TRIM33: variants seen among roughly 807,000 people sequenced by gnomAD.
TRIM33 encodes the protein E3 ubiquitin-protein ligase TRIM33.
TRIM33 carries 20 observed loss-of-function variants against 125.4 expected under a neutral mutation model. That is an observed-to-expected ratio of 0.16 (90% CI 0.11 to 0.23). TRIM33 has a LOEUF of 0.23. TRIM33 is among the 10% of genes least tolerant of loss of function. The pLI, the probability that TRIM33 is intolerant of heterozygous loss-of-function variation, is 1.00. For missense variants in TRIM33, 920 were observed against 1,411.4 expected, an observed-to-expected ratio of 0.65 and a Z score of 5.58; for synonymous variants, 564 against 513.9, an observed-to-expected ratio of 1.10 and a Z score of -1.32.
chr1:114,443,099 G>A (rs2101253292), intron 4 of TRIM33, among the ~76,000 whole-genome samples: 2 of 150,118 alleles, frequency 1.3e-5, no homozygotes, highest in South Asian at 4.2e-4. Context: ...TAATGGAGAT[G>A]GGGGCCAGGT....
intron 4 of TRIM33, among the ~76,000 whole-genome samples, chr1:114,454,316 C>A (rs1193982103): frequency 6.6e-6 from 1 of 151,858 alleles, no homozygotes; most frequent in Non-Finnish European, 1.5e-5. Flanking sequence ...TAAAAATTAC[C>A]AATGGAATTT....
At chr1:114,481,156 G>T (rs187419430) in intron 1 of TRIM33, among the ~76,000 whole-genome samples, 14 of 152,138 alleles carry the variant, frequency 9.2e-5, no homozygotes, top group Admixed American at 7.9e-4. Context: ...CTGGGCAACA[G>T]AGTAAGACTC....
intron 1 of TRIM33, among the ~76,000 whole-genome samples, chr1:114,466,453 G>A (rs1246762371): frequency 6.6e-6 from 1 of 152,174 alleles, no homozygotes; most frequent in Non-Finnish European, 1.5e-5. Context: ...ACACGTTCCT[G>A]GGAGATGACC....
Position 114,399,641 on chromosome 1 carries a change from T to G in TRIM33, c.2968-32A>C, listed in dbSNP as rs758569243. The G allele has an allele frequency of 2.0e-6, 3 of 1,526,720 alleles. No homozygotes were observed. The Admixed American group carries it at 6.1e-5, about 31-fold the overall frequency. The allele number at this position is 1,526,720 out of a possible 1,614,324, so 94.6% of individuals were successfully genotyped here. A position where few individuals can be genotyped will look rare whatever the true frequency, so the allele number is the denominator to read the frequency against. Reference sequence around the variant, plus strand: ...TAAGCACATAATGGCAAATAAGAATTCTCCAAAAATGCCAAACTGTTTAAT... The same window carrying G: ...TAAGCACATAATGGCAAATAAGAATGCTCCAAAAATGCCAAACTGTTTAAT... On this transcript the variant is annotated intron_variant, in intron 17 of 19. Transcript: ENST00000358465.
Position 114,511,030 on chromosome 1 carries a change from C to A in TRIM33, c.47G>T (p.Gly16Val). ...GGCAGTTACCGGCGCGCTGCCGCTGCCCCCGCCGCCGCTCTCAGCCTCGCC... is the reference window on the plus strand; with the variant it reads ...GGCAGTTACCGGCGCGCTGCCGCTGACCCCGCCGCCGCTCTCAGCCTCGCC... ...GGGEAESGGGGSGSAPVTAGA... is the reference protein window; with the variant it reads ...GGGEAESGGGVSGSAPVTAGA... Residue 16 changes from glycine to valine, a missense_variant, in exon 1 of 20, where the codon GGC becomes GTC. Gly to Val is a moderately radical substitution (Grantham distance 109, BLOSUM62 -3). This residue lies in a region of TRIM33 where 233 missense variants were observed against 189.6 expected (regional missense o/e 1.23). Transcript: ENST00000358465. 1.5e-6 allele frequency: 2 copies of A among 1,318,294 alleles called. No individual in the cohort carries two copies. Among genetic ancestry groups the A allele is most frequent in the South Asian group, 1.8e-5 (1 of 54,522 alleles). The allele number at this position is 1,318,294 out of a possible 1,614,324, so 81.7% of individuals were successfully genotyped here. A position where few individuals can be genotyped will look rare whatever the true frequency, so the allele number is the denominator to read the frequency against.
intron 13 of TRIM33, 37 bp from the exon 14 acceptor site, chr1:114,407,137 G>C (rs544517009): frequency 1.3e-6 from 2 of 1,556,186 alleles, no homozygotes; most frequent in African/African-American, 2.7e-5. Flanking sequence ...ACATACGTTT[G>C]ACTATATGGT....
At chr1:114,462,890 C>T (rs1242828092) in intron 4 of TRIM33, among the ~76,000 whole-genome samples, 1 of 152,012 alleles carries the variant, frequency 6.6e-6, no homozygotes, top group Non-Finnish European at 1.5e-5. Context: ...CAAAATGATA[C>T]ATTTTAACAA....
chr1:114,469,189 GT>G (rs1167967882), intron 1 of TRIM33: 1 of 167,322 alleles, frequency 6.0e-6, no homozygotes, highest in Non-Finnish European at 1.3e-5. Flanking sequence ...ACTTCTTACA[GT>G]GAGCAACTTA....
chr1:114,420,318 T>A lies in TRIM33; in HGVS notation c.2061+1118A>T. 5 of 971,868 alleles carry A rather than the reference T, an allele frequency of 5.1e-6. No individual in the cohort carries two copies. The South Asian group carries it at 6.7e-5, about 13-fold the overall frequency. The allele number at this position is 971,868 out of a possible 1,614,324, so 60.2% of individuals were successfully genotyped here. A position where few individuals can be genotyped will look rare whatever the true frequency, so the allele number is the denominator to read the frequency against. On this transcript the variant is annotated intron_variant, in intron 11 of 19. Coordinates refer to ENST00000358465, the MANE Select transcript of TRIM33 (RefSeq NM_015906.4). ...CTACTATCTTGGCCTTCTAACCCCATCCTTTTCTCAGCCCAACTGACTACC... is the reference window on the plus strand; with the variant it reads ...CTACTATCTTGGCCTTCTAACCCCAACCTTTTCTCAGCCCAACTGACTACC...
At chr1:114,509,863 A>G (rs1019323756) in intron 1 of TRIM33, among the ~76,000 whole-genome samples, 4 of 152,324 alleles carry the variant, frequency 2.6e-5, no homozygotes, top group Admixed American at 2.6e-4. Flanking sequence ...GGGGCTCATT[A>G]ACGGCCAATT....
At chr1:114,427,692 G>T in intron 7 of TRIM33, 56 bp downstream of exon 7, 1 of 1,522,058 alleles carries the variant, frequency 6.6e-7, no homozygotes, top group Non-Finnish European at 8.9e-7. Flanking sequence ...GCAATTCACT[G>T]AATATATATC....
At chr1:114,401,042 T>C (rs1235037575) in intron 17 of TRIM33, among the ~76,000 whole-genome samples, 4 of 149,936 alleles carry the variant, frequency 2.7e-5, no homozygotes, top group African/African-American at 7.4e-5. Context: ...TTTTTTTTTT[T>C]CTTTTTTTTT....
intron 4 of TRIM33, among the ~76,000 whole-genome samples, chr1:114,447,595 C>T (rs1649064762): frequency 6.6e-6 from 1 of 152,094 alleles, no homozygotes; most frequent in African/African-American, 2.4e-5. Flanking sequence ...ATTTGGAAAT[C>T]AATAACATAT....
intron 1 of TRIM33, among the ~76,000 whole-genome samples, chr1:114,471,559 A>G (rs754290383): frequency 3.9e-5 from 6 of 152,224 alleles, no homozygotes; most frequent in Non-Finnish European, 7.3e-5. Flanking sequence ...GTCTGCTACT[A>G]ATGAAACTTC....
intron 1 of TRIM33, among the ~76,000 whole-genome samples, chr1:114,485,278 AT>A (rs199732933): frequency 9.4e-5 from 14 of 148,664 alleles, no homozygotes; most frequent in Non-Finnish European, 1.5e-4. Flanking sequence ...TGAAGCCCCC[AT>A]TTTTTTTTTA....
intron 14 of TRIM33, 72 bp from the exon 15 acceptor site, chr1:114,405,831 G>C: frequency 7.7e-7 from 1 of 1,302,540 alleles, no homozygotes; most frequent in Non-Finnish European, 1.1e-6. Context: ...GTATTTAACA[G>C]TTATGTGAAT....
intron 4 of TRIM33, among the ~76,000 whole-genome samples, chr1:114,443,868 TA>T (rs375504053): frequency 1.2e-3 from 175 of 143,236 alleles, no homozygotes; most frequent in Non-Finnish European, 1.2e-3. Context: ...CCCTGTTTCT[TA>T]AAAAAAAAAA....
intron 1 of TRIM33, among the ~76,000 whole-genome samples, chr1:114,476,835 G>A (rs1273924650): frequency 3.3e-5 from 5 of 152,122 alleles, no homozygotes; most frequent in South Asian, 4.1e-4. Context: ...ATTAGAAGAC[G>A]TTGCCATTTT....
intron 4 of TRIM33, among the ~76,000 whole-genome samples, chr1:114,452,727 TAAAAAAAAA>T (rs34364866): frequency 9.3e-6 from 1 of 107,724 alleles, no homozygotes; most frequent in Non-Finnish European, 1.8e-5. Context: ...CCCCATCTCT[TAAAAAAAAA>T]AAAAAAAAAA....
Sources: gnomAD v4.1 joint callset for allele counts (sites outside exome capture counted in the v4.1 genomes callset) on GRCh38, gnomAD v4.1.1 for gene constraint, gnomAD v4.1.1 regional missense constraint, MANE v1.5 for transcripts, NCBI Gene and HGNC (gene_info 2026-07-23, HGNC 2026-07-21) for gene names.